SLC66A2: variants seen among roughly 807,000 people sequenced by gnomAD.
SLC66A2 encodes PQ loop repeat containing 1.
In SLC66A2, 23 loss-of-function variants were observed where a neutral mutation model predicts 25.5. The ratio of observed to expected loss-of-function variants is 0.90; its 90% CI spans 0.65 to 1.28. The LOEUF is 1.28. Ranked by LOEUF, SLC66A2 falls within the 50% of genes most tolerant of loss-of-function variation. The pLI is 0.00. For missense variants in SLC66A2, 396 were observed against 373.1 expected (o/e 1.06, Z -0.51); for synonymous variants, 193 against 166.5 (o/e 1.16, Z -1.23).
In SLC66A2 at chr18:79,928,591, C is replaced by G. The variant is rs186396851; in HGVS notation, c.391+5378G>C. 2.0e-5 allele frequency among the ~76,000 whole-genome samples: 3 copies of G among 152,280 alleles called. No homozygotes were observed. In the East Asian group the frequency reaches 5.8e-4, roughly 29 times the overall value. ...ACACGGCGAATGGAGAAACGCTTAT[C>G]CAAGAAAACCACCTAAGTGGCAGCA... On this transcript the variant is annotated intron_variant, in intron 4 of 5. Coordinates refer to ENST00000397778, the MANE Select transcript of SLC66A2 (RefSeq NM_025078.5).
Position 79,918,977 on chromosome 18 carries a change from C to A in SLC66A2, c.608+207G>T, listed in dbSNP as rs753513283. On this transcript the variant is annotated intron_variant, in intron 5 of 5. Transcript: ENST00000397778. The surrounding 1 kb of genome is among the most constrained non-coding windows in gnomAD (Gnocchi z 4.0). ...CCAACCCCGTGCTGGGTCTCGGCTG[C>A]CCCTCATGCGGCCCACACAAGCTCA... Among the ~76,000 whole-genome samples the A allele has an allele frequency of 6.6e-6, 1 of 152,258 alleles. No homozygotes were observed. Among genetic ancestry groups the A allele is most frequent in the Non-Finnish European group, 1.5e-5 (1 of 68,050 alleles).
intron 3 of SLC66A2, 42 bp downstream of exon 3, chr18:79,943,287 C>T (rs1987851611): frequency 1.9e-6 from 3 of 1,606,734 alleles, no homozygotes; most frequent in Non-Finnish European, 2.6e-6. Context: ...TCACCTACGC[C>T]CTGATTCCCT....
intron 5 of SLC66A2, among the ~76,000 whole-genome samples, chr18:79,912,159 C>CAGGGAGGGGACGGCAGCAGT (rs1983318815): frequency 5.4e-5 from 2 of 37,118 alleles, no homozygotes; most frequent in South Asian, 1.2e-3. Context: ...ACGGCAGCAG[C>CAGGGAGGGGACGGCAGCAGT]GAGGGGATGG....
chr18:79,909,155 G>A (rs954244974), intron 5 of SLC66A2, among the ~76,000 whole-genome samples: 5 of 152,224 alleles, frequency 3.3e-5, no homozygotes, highest in Non-Finnish European at 5.9e-5. Flanking sequence ...TAGATTCAGG[G>A]TGTGAGGTCT....
intron 4 of SLC66A2, among the ~76,000 whole-genome samples, chr18:79,925,611 C>G (rs540336176): frequency 1.6e-4 from 24 of 152,230 alleles, no homozygotes; most frequent in Middle Eastern, 3.2e-3. Context: ...TCCAGCACCC[C>G]CCATGGGGAG....
chr18:79,911,603 T>C (rs548318121), intron 5 of SLC66A2, among the ~76,000 whole-genome samples: 1 of 152,374 alleles, frequency 6.6e-6, no homozygotes, highest in South Asian at 2.1e-4. Flanking sequence ...TGGGCTGGGC[T>C]CTGCTGGCTG....
rs776502305 is a variant in SLC66A2, at chr18:79,933,981, G to T, written c.379C>A (p.Arg127=). ...GCAGGGTACATACCCAGGAAGGACC[G>T]CCTGGGGGCAACCTTGACTTCTTCA... is the stretch of plus-strand genomic sequence containing the variant. ...KDEEVKVAPR[R]SFLDFDPHHF... The change falls in exon 4 of 6, where the codon CGG becomes AGG. Residue 127 remains arginine (R), a synonymous_variant. Transcript: ENST00000397778. 4 of 1,612,456 alleles carry T rather than the reference G, an allele frequency of 2.5e-6. No individual in the cohort carries two copies. Among genetic ancestry groups the T allele is most frequent in the Non-Finnish European group, 3.4e-6 (4 of 1,179,520 alleles).
chr18:79,903,914 G>T lies in SLC66A2; in HGVS notation c.*62C>A. 3 of 1,461,104 alleles carry T rather than the reference G, an allele frequency of 2.1e-6. No homozygotes were observed. Among genetic ancestry groups the T allele is most frequent in the South Asian group, 2.5e-5 (2 of 79,360 alleles). The allele number at this position is 1,461,104 out of a possible 1,614,324, so 90.5% of individuals were successfully genotyped here. ...GGGCCACAGCACCCACCCTCCCCGC[G>T]GGGAGGTCAGGGCCCACCAGTGCCC... On this transcript the variant is annotated 3_prime_UTR_variant, in exon 6 of 6. Transcript: ENST00000397778.
At chr18:79,928,649 C>T (rs1458065263) in intron 4 of SLC66A2, among the ~76,000 whole-genome samples, 1 of 152,222 alleles carries the variant, frequency 6.6e-6, no homozygotes, top group African/African-American at 2.4e-5. Context: ...TGGGCCACAA[C>T]CTGCTTCCCC....
In SLC66A2 at chr18:79,937,223, G is replaced by A. The variant is rs187496765; in HGVS notation, c.338-3201C>T. Reference sequence around the variant, plus strand: ...AGATACCAGAGCTCCTTGGAGAAACGACGGATTCTAGGTCTGGGGCAGGAG... The same window carrying A: ...AGATACCAGAGCTCCTTGGAGAAACAACGGATTCTAGGTCTGGGGCAGGAG... On this transcript the variant is annotated intron_variant, in intron 3 of 5. Transcript: ENST00000397778. This position sits in a 1 kb window ranked among gnomAD's most constrained non-coding sequence, Gnocchi z 5.4. Among the ~76,000 whole-genome samples, 28 of 152,288 alleles carry A rather than the reference G, an allele frequency of 1.8e-4. No individual in the cohort carries two copies. The East Asian group carries it at 4.4e-3, about 24-fold the overall frequency.
At chr18:79,906,169 G>A (rs180853017) in intron 5 of SLC66A2, among the ~76,000 whole-genome samples, 2 of 152,282 alleles carry the variant, frequency 1.3e-5, no homozygotes, top group Admixed American at 1.3e-4. Context: ...TGGTTTATCA[G>A]TTAATGATTT....
Position 79,917,247 on chromosome 18 carries a change from G to A in SLC66A2, c.608+1937C>T, listed in dbSNP as rs899581925. Among the ~76,000 whole-genome samples the A allele has an allele frequency of 6.6e-6, 1 of 152,232 alleles. No individual in the cohort carries two copies. The highest frequency in any genetic ancestry group is 2.4e-5 in the African/African-American group (1 of 41,466). On this transcript the variant is annotated intron_variant, in intron 5 of 5. Transcript: ENST00000397778. The surrounding 1 kb of genome is among the most constrained non-coding windows in gnomAD (Gnocchi z 6.0). ...ATTCCCACGTCCCCCCAGCTGACGG[G>A]GCAGCCCCTGGGCTGAGACCTTGAA...
In SLC66A2 at chr18:79,951,630, C is replaced by T. The variant is rs2051133731; in HGVS notation, c.-149G>A. On this transcript the variant is annotated 5_prime_UTR_variant, in exon 1 of 6. Transcript: ENST00000397778. ...CGCCCCGCGTCCCCGCGCCGCTGACCCGCGCGCGTCTCGGCGTCAGTCCGC... is the reference window on the plus strand; with the variant it reads ...CGCCCCGCGTCCCCGCGCCGCTGACTCGCGCGCGTCTCGGCGTCAGTCCGC... 1 of 151,776 alleles carries T rather than the reference C, an allele frequency of 6.6e-6. No individual in the cohort carries two copies. Among genetic ancestry groups the T allele is most frequent in the South Asian group, 1.8e-4 (1 of 5,548 alleles). The allele number at this position is 151,776 out of a possible 1,614,324, so 9.4% of individuals were successfully genotyped here. A position where few individuals can be genotyped will look rare whatever the true frequency, so the allele number is the denominator to read the frequency against.
chr18:79,925,239 G>A lies in SLC66A2; in HGVS notation c.392-5839C>T, dbSNP rs966305952. 5.9e-5 allele frequency among the ~76,000 whole-genome samples: 9 copies of A among 152,284 alleles called. No individual in the cohort carries two copies. The East Asian group carries it at 1.7e-3, about 29-fold the overall frequency. On this transcript the variant is annotated intron_variant, in intron 4 of 5. Transcript: ENST00000397778. ...CCCTTTCCAAAGCAGCCAGGCCCCC[G>A]CACTGCTGAGCCCGACAGAAATCCA...
In SLC66A2 at chr18:79,927,474, C is replaced by T. The variant is rs1017074482; in HGVS notation, c.391+6495G>A. 2.8e-4 allele frequency among the ~76,000 whole-genome samples: 42 copies of T among 152,224 alleles called. No individual in the cohort carries two copies. Among genetic ancestry groups the T allele is most frequent in the African/African-American group, 8.2e-4 (34 of 41,452 alleles). ...AAAAGGATTTTAACAAAGACGGCCA[C>T]ACCACCTGCTGCAGAATGAGTATAA... On this transcript the variant is annotated intron_variant, in intron 4 of 5. Coordinates refer to ENST00000397778, the MANE Select transcript of SLC66A2 (RefSeq NM_025078.5). The surrounding 1 kb of genome is among the most constrained non-coding windows in gnomAD (Gnocchi z 6.2).
Position 79,937,822 on chromosome 18 carries a change from A to G in SLC66A2, c.338-3800T>C, listed in dbSNP as rs1311014675. On this transcript the variant is annotated intron_variant, in intron 3 of 5. Coordinates refer to ENST00000397778, the MANE Select transcript of SLC66A2 (RefSeq NM_025078.5). This position sits in a 1 kb window ranked among gnomAD's most constrained non-coding sequence, Gnocchi z 5.4. ...CCCAGGGACATAAAGACACGAGGAA[A>G]CACCAGGAGTGCCATCTCCACTGCA... Among the ~76,000 whole-genome samples, 1 of 152,170 alleles carries G rather than the reference A, an allele frequency of 6.6e-6. No homozygotes were observed. The highest frequency in any genetic ancestry group is 1.5e-5 in the Non-Finnish European group (1 of 68,032).
intron 4 of SLC66A2, among the ~76,000 whole-genome samples, chr18:79,926,944 C>A (rs1429949451): frequency 6.6e-6 from 1 of 152,182 alleles, no homozygotes; most frequent in African/African-American, 2.4e-5. Flanking sequence ...CCATTCCCAG[C>A]AGCTAAACTG....
chr18:79,915,544 T>C (rs1268277525), intron 5 of SLC66A2: 1 of 152,226 alleles, frequency 6.6e-6, no homozygotes, highest in African/African-American at 2.4e-5. Context: ...TCCATCTCCC[T>C]CAGCCTCAGG....
intron 4 of SLC66A2, among the ~76,000 whole-genome samples, chr18:79,932,340 A>G (rs181617118): frequency 2.8e-4 from 43 of 152,262 alleles, no homozygotes; most frequent in South Asian, 1.5e-3. Context: ...AAAAAGAGTA[A>G]ATTAAAACCA....
Sources: allele counts gnomAD v4.1 joint callset (sites outside exome capture counted in the v4.1 genomes callset), GRCh38; gene constraint gnomAD v4.1.1; non-coding constraint Gnocchi (gnomAD v3.1); transcripts MANE v1.5; gene names NCBI Gene and HGNC (gene_info 2026-07-23, HGNC 2026-07-21).